Variants in EML6 observed in about 807,000 individuals in gnomAD.
EML6 encodes the protein EMAP like 6, also known as echinoderm microtubule-associated protein-like 6.
A neutral mutation model predicts 240.1 loss-of-function variants in EML6; 154 were observed. The ratio of observed to expected loss-of-function variants is 0.64; its 90% CI spans 0.56 to 0.73. The LOEUF (loss-of-function observed/expected upper bound fraction) is 0.73, where lower values mean the gene tolerates loss of function less well. EML6 is among the 30% of genes least tolerant of loss of function. The pLI is 0.00. For synonymous variants in EML6, 1,148 were observed against 899.0 expected, an observed-to-expected ratio of 1.28 and a Z score of -4.95; for missense variants, 2,964 against 2,474.6, an observed-to-expected ratio of 1.20 and a Z score of -4.20.
At chr2:54,959,397 C>G (rs1042051524) in intron 34 of EML6, 136 bp downstream of exon 34, 10 of 831,492 alleles carry the variant, frequency 1.2e-5, no homozygotes, top group Middle Eastern at 3.7e-4. Context: ...TCAGTCTGCT[C>G]TCTCTCCAAG....
chr2:54,758,482 G>C (rs1467231452), intron 2 of EML6, among the ~76,000 whole-genome samples: 1 of 152,116 alleles, frequency 6.6e-6, no homozygotes, highest in Admixed American at 6.5e-5. Flanking sequence ...TTGCTTCACT[G>C]TCTCTTACTA....
rs1298293868 is a variant in EML6, at chr2:54,837,941, T to C, written c.848-6106T>C. On this transcript the variant is annotated intron_variant, in intron 7 of 41. Transcript: ENST00000356458. ...TGGAACATGGGTTTTAAGAACACTA[T>C]TAAATACGAGCCTCTGCCTGCTTTC... Among the ~76,000 whole-genome samples the C allele has an allele frequency of 2.0e-5, 3 of 152,206 alleles. No individual in the cohort carries two copies. In the East Asian group the frequency reaches 5.8e-4, roughly 29 times the overall value.
intron 2 of EML6, among the ~76,000 whole-genome samples, chr2:54,805,899 AAAAC>A (rs1670446373): frequency 6.6e-6 from 1 of 152,178 alleles, no homozygotes; most frequent in Admixed American, 6.6e-5. Context: ...TGTCTGTTGA[AAAAC>A]AATCCTTTCC....
In EML6 at chr2:54,823,850, T is replaced by TTCTCTCTC. The variant is rs147852134; in HGVS notation, c.525+3408_525+3415dup. On this transcript the variant is annotated intron_variant, in intron 5 of 41. Coordinates refer to ENST00000356458, the MANE Select transcript of EML6 (RefSeq NM_001039753.4). ...GGCTGAATTAATATTCATTCATTCA[T>TTCTCTCTC]TCTCTCTCTCTCTCTCTCTCTCTCT... 7.0e-3 allele frequency among the ~76,000 whole-genome samples: 506 copies of TTCTCTCTC among 72,280 alleles called. 8 individuals are homozygous for TTCTCTCTC. The highest frequency in any genetic ancestry group is 0.014 in the African/African-American group (267 of 18,430). The allele number at this position is 72,280 out of a possible 152,430, so 47.4% of individuals were successfully genotyped here. A position where few individuals can be genotyped will look rare whatever the true frequency, so the allele number is the denominator to read the frequency against.
chr2:54,910,635 AC>A (rs60551520), intron 24 of EML6, among the ~76,000 whole-genome samples: 1,687 of 152,316 alleles, frequency 0.011, 35 homozygotes, highest in African/African-American at 0.038. Context: ...CAGGGGGAAA[AC>A]TGATTTTTCT....
rs566127135 is a variant in EML6 at position 54,771,682 on chromosome 2, A to G, written c.198-41550A>G. ...TGTGTGAACACACGCAGACACATAC[A>G]CAGTTGGGGTTGCAGCTGTTCCTCA... On this transcript the variant is annotated intron_variant, in intron 2 of 41. Coordinates refer to ENST00000356458, the MANE Select transcript of EML6 (RefSeq NM_001039753.4). Among the ~76,000 whole-genome samples, 6 of 152,374 alleles carry G rather than the reference A, an allele frequency of 3.9e-5. No individual in the cohort carries two copies. The South Asian group carries it at 1.2e-3, about 32-fold the overall frequency.
chr2:54,831,004 C>T (rs1314108180), intron 7 of EML6, among the ~76,000 whole-genome samples: 2 of 152,056 alleles, frequency 1.3e-5, no homozygotes, highest in East Asian at 1.9e-4. Flanking sequence ...AGAGTGTGGG[C>T]CAGGGAAACT....
At chr2:54,820,213 A>G (rs868171474) in intron 4 of EML6, among the ~76,000 whole-genome samples, 181 bp from the exon 5 acceptor site, 3 of 152,214 alleles carry the variant, frequency 2.0e-5, no homozygotes, top group Non-Finnish European at 4.4e-5. Context: ...GTAAGTAGAT[A>G]TGAGGTGATA....
In EML6 at chr2:54,970,656, A is replaced by G. The variant is rs562065085; in HGVS notation, c.*561A>G. On this transcript the variant is annotated 3_prime_UTR_variant, in exon 42 of 42. Coordinates refer to ENST00000356458, the MANE Select transcript of EML6 (RefSeq NM_001039753.4). ...GAGAAACTTAATTTTTAAATGTTTC[A>G]TTTGCAGAGTTTTATATCCATTAAG... The G allele has an allele frequency of 5.2e-5, 8 of 153,902 alleles. No individual in the cohort carries two copies. In the South Asian group the frequency reaches 1.6e-3, roughly 31 times the overall value. 9.5% of individuals were successfully genotyped at this position (153,902 alleles called of 1,614,324 possible).
rs1188966317 is a variant in EML6, at chr2:54,971,818, A to G, written c.*1723A>G. On this transcript the variant is annotated 3_prime_UTR_variant, in exon 42 of 42. Coordinates refer to ENST00000356458, the MANE Select transcript of EML6 (RefSeq NM_001039753.4). ...TCGATTAATGATGACATGTACAACC[A>G]TATTTAAAGAGCAATAGTGTCCGTG... 1.3e-5 allele frequency: 2 copies of G among 152,254 alleles called. No individual in the cohort carries two copies. Among genetic ancestry groups the G allele is most frequent in the African/African-American group, 2.4e-5 (1 of 41,464 alleles). 9.4% of individuals were successfully genotyped at this position (152,254 alleles called of 1,614,324 possible). A position where few individuals can be genotyped will look rare whatever the true frequency, so the allele number is the denominator to read the frequency against.
intron 4 of EML6, among the ~76,000 whole-genome samples, chr2:54,817,225 C>A (rs945551796): frequency 9.9e-5 from 15 of 152,138 alleles, no homozygotes; most frequent in African/African-American, 3.6e-4. Flanking sequence ...AAAATAGTCA[C>A]AAAATATGAT....
rs1286331212 is a variant in EML6 at position 54,928,635 on chromosome 2, C to T, written c.3888C>T (p.Ser1296=). 27 of 1,552,042 alleles carry T rather than the reference C, an allele frequency of 1.7e-5. No homozygotes were observed. Among genetic ancestry groups the T allele is most frequent in the Middle Eastern group, 3.3e-4 (2 of 5,996 alleles). ...TTTCTGTTGTTTGAGGCTATGACAG[C>T]GATGTTGCTAGAGAAAAGGCCATTG... is the stretch of plus-strand genomic sequence containing the variant. ...TDVEEDGGYD[S]DVAREKAIDY... The change falls in exon 28 of 42, where the codon AGC becomes AGT. Residue 1296 remains serine, a synonymous_variant. Transcript: ENST00000356458.
intron 16 of EML6, among the ~76,000 whole-genome samples, chr2:54,875,286 A>C (rs1459167390): frequency 3.9e-5 from 6 of 152,234 alleles, no homozygotes; most frequent in Non-Finnish European, 8.8e-5. Flanking sequence ...CATCCTTTGG[A>C]AACTGATAGA....
At chr2:54,909,684 A>G (rs1673535499) in intron 24 of EML6, among the ~76,000 whole-genome samples, 2 of 151,974 alleles carry the variant, frequency 1.3e-5, no homozygotes, top group African/African-American at 4.8e-5. Context: ...TGTCTCTACT[A>G]AAAAATAGAA....
Position 54,911,061 on chromosome 2 carries a change from G to A in EML6, c.3498+19G>A. Reference sequence around the variant, plus strand: ...TTCAGAGGTAATAATCATACACAAAGATTTTTAAAGATATTTTGTGAAGAT... The same window carrying A: ...TTCAGAGGTAATAATCATACACAAAAATTTTTAAAGATATTTTGTGAAGAT... On this transcript the variant is annotated intron_variant, in intron 25 of 41. Transcript: ENST00000356458. 8.0e-7 allele frequency: 1 copy of A among 1,250,808 alleles called. No individual in the cohort carries two copies. Among genetic ancestry groups the A allele is most frequent in the Non-Finnish European group, 1.1e-6 (1 of 889,000 alleles). 77.5% of individuals were successfully genotyped at this position (1,250,808 alleles called of 1,614,324 possible). A position where few individuals can be genotyped will look rare whatever the true frequency, so the allele number is the denominator to read the frequency against.
At chr2:54,840,419 C>T (rs1669382373) in intron 7 of EML6, among the ~76,000 whole-genome samples, 1 of 152,162 alleles carries the variant, frequency 6.6e-6, no homozygotes, top group South Asian at 2.1e-4. Flanking sequence ...TATATAGGTA[C>T]ACATATACAT....
intron 32 of EML6, among the ~76,000 whole-genome samples, chr2:54,955,570 C>T (rs898530485): frequency 7.2e-5 from 11 of 152,182 alleles, no homozygotes; most frequent in African/African-American, 2.7e-4. Flanking sequence ...TGGAAGAAAG[C>T]TCTCACACTG....
At chr2:54,747,573 G>C (rs368191254) in intron 2 of EML6, 1 of 152,152 alleles carries the variant, frequency 6.6e-6, no homozygotes, top group Non-Finnish European at 1.5e-5. Flanking sequence ...GAGAAAATTA[G>C]TATGCATGTC....
intron 28 of EML6, among the ~76,000 whole-genome samples, chr2:54,939,543 C>T (rs142818377): frequency 6.6e-6 from 1 of 152,310 alleles, no homozygotes; most frequent in Non-Finnish European, 1.5e-5. Flanking sequence ...GATATGCACC[C>T]ATATTTGGCT....
Sources: gnomAD v4.1 joint callset for allele counts (sites outside exome capture counted in the v4.1 genomes callset) on GRCh38, gnomAD v4.1.1 for gene constraint, MANE v1.5 for transcripts, NCBI Gene and HGNC (gene_info 2026-07-23, HGNC 2026-07-21) for gene names.